The following TACC2 variants were observed in gnomAD, a reference collection of about 807,000 sequenced individuals.
TACC2 encodes the protein transforming acidic coiled-coil-containing protein 2.
TACC2 carries 137 observed loss-of-function variants against 227.3 expected under a neutral mutation model. The observed-to-expected ratio is 0.60, with a 90% CI of 0.52 to 0.69. The LOEUF (loss-of-function observed/expected upper bound fraction) is 0.69, where lower values mean the gene tolerates loss of function less well. TACC2 is among the 30% of genes least tolerant of loss of function. The pLI, the probability that TACC2 is intolerant of heterozygous loss-of-function variation, is 0.00. For missense variants in TACC2, 3,470 were observed against 3,694.4 expected, an observed-to-expected ratio of 0.94 and a Z score of 1.57; for synonymous variants, 1,523 against 1,487.5, an observed-to-expected ratio of 1.02 and a Z score of -0.55.
At chr10:122,038,158 G>A (rs552988683) in intron 2 of TACC2, among the ~76,000 whole-genome samples, 3 of 152,222 alleles carry the variant, frequency 2.0e-5, no homozygotes, top group African/African-American at 7.2e-5. Flanking sequence ...TATTTGGGAG[G>A]CTGAGGTGGA....
At chr10:121,991,118 A>G (rs1953011446) in intron 1 of TACC2, among the ~76,000 whole-genome samples, 1 of 152,154 alleles carries the variant, frequency 6.6e-6, no homozygotes. Context: ...TGCCTTTGTT[A>G]TCATTTTAAT....
intron 1 of TACC2, among the ~76,000 whole-genome samples, chr10:121,999,639 C>A (rs1954023279): frequency 1.3e-5 from 2 of 152,220 alleles, no homozygotes; most frequent in Non-Finnish European, 2.9e-5. Context: ...TGCCCCAGGA[C>A]TGTCAATGCT....
chr10:122,226,243 G>A (rs942129574), intron 12 of TACC2, 123 bp from the exon 13 acceptor site: 3 of 690,940 alleles, frequency 4.3e-6, no homozygotes, highest in South Asian at 3.7e-5. Flanking sequence ...GGTGGCTCCA[G>A]AACAATGAAG....
intron 5 of TACC2, among the ~76,000 whole-genome samples, chr10:122,097,764 C>T (rs531590715): frequency 8.5e-5 from 13 of 152,164 alleles, no homozygotes; most frequent in Middle Eastern, 3.4e-3. Flanking sequence ...AGGAGGGTTA[C>T]AGTGGGGAGA....
chr10:121,996,957 T>C (rs116377021), intron 1 of TACC2, among the ~76,000 whole-genome samples: 226 of 152,082 alleles, frequency 1.5e-3, no homozygotes, highest in African/African-American at 5.1e-3. Flanking sequence ...AAGCTCCTGG[T>C]TGGCTTCACT....
intron 2 of TACC2, among the ~76,000 whole-genome samples, chr10:122,039,487 T>C (rs1228238683): frequency 6.6e-6 from 1 of 150,534 alleles, no homozygotes; most frequent in Non-Finnish European, 1.5e-5. Context: ...AAGGTGGGGG[T>C]GGAGACAAGG....
At chr10:122,089,765 A>G (rs192433522) in intron 5 of TACC2, among the ~76,000 whole-genome samples, 1 of 152,302 alleles carries the variant, frequency 6.6e-6, no homozygotes, top group East Asian at 1.9e-4. Context: ...CATATTTTGC[A>G]CATTCAGAAA....
intron 8 of TACC2, among the ~76,000 whole-genome samples, chr10:122,206,644 T>C (rs35061398): frequency 0.38 from 58,310 of 152,098 alleles, 12,460 homozygotes; most frequent in East Asian, 0.54. Context: ...TCCTTGGTGA[T>C]GGCAGCCCAG....
rs1387033561 is a variant in TACC2, at chr10:122,083,432, A to C, written c.932A>C (p.His311Pro). 2.5e-6 allele frequency: 4 copies of C among 1,613,564 alleles called. No individual in the cohort carries two copies. The highest frequency in any genetic ancestry group is 3.4e-6 in the Non-Finnish European group (4 of 1,180,022). The change falls in exon 4 of 23, where the codon CAT (histidine) becomes CCT (proline). Residue 311 changes from histidine to proline, a missense_variant. His to Pro is a moderately conservative substitution (Grantham distance 77). Transcript: ENST00000369005. ...GACTTGGAATTCCTCAGGGCCTGCC[A>C]TCTCCCTAGGAGCAATTCAGGGGCT... is the stretch of plus-strand genomic sequence containing the variant. ...TDDLEFLRAC[H>P]LPRSNSGAAP...
chr10:122,243,980 G>T (rs1027188641), intron 19 of TACC2, among the ~76,000 whole-genome samples: 1 of 152,228 alleles, frequency 6.6e-6, no homozygotes, highest in African/African-American at 2.4e-5. Flanking sequence ...AATTTCTCTA[G>T]TTGGCATAAA....
chr10:122,055,034 A>G (rs2076081661), intron 3 of TACC2, among the ~76,000 whole-genome samples: 1 of 152,150 alleles, frequency 6.6e-6, no homozygotes, highest in Non-Finnish European at 1.5e-5. Flanking sequence ...AGCCCGGGCA[A>G]CACAGTGAAA....
intron 8 of TACC2, among the ~76,000 whole-genome samples, chr10:122,207,543 G>T (rs534837261): frequency 2.0e-4 from 31 of 152,314 alleles, no homozygotes; most frequent in Middle Eastern, 3.4e-3. Context: ...TGGAGGCCAG[G>T]GATGCTGGTA....
Position 122,224,765 on chromosome 10 carries a change from A to G in TACC2, c.7586A>G (p.Glu2529Gly), listed in dbSNP as rs1467568269. The change falls in exon 12 of 23, where the codon GAG (glutamate) becomes GGG (glycine). Residue 2529 changes from glutamate to glycine, a missense_variant. Glu to Gly is a moderately conservative substitution (Grantham distance 98). This residue lies in a region of TACC2 where 345 missense variants were observed against 354.4 expected (regional missense o/e 0.97). Transcript: ENST00000369005. ...AACTCCTATGAAATTGAATATATGG[A>G]GAAAATTGGCTCCTCCTTACCTGTA... ...YRNSYEIEYM[E>G]KIGSSLPQDD... is the part of the protein sequence containing the mutation. The G allele has an allele frequency of 6.2e-7, 1 of 1,613,906 alleles. No homozygotes were observed. Among genetic ancestry groups the G allele is most frequent in the African/African-American group, 1.3e-5 (1 of 74,854 alleles).
intron 8 of TACC2, among the ~76,000 whole-genome samples, chr10:122,197,348 A>T (rs2094606275): frequency 6.6e-6 from 1 of 152,250 alleles, no homozygotes; most frequent in Admixed American, 6.5e-5. Context: ...GTGTGCGGAG[A>T]GGCCACTTGT....
chr10:122,107,900 T>TG (rs2083060319), intron 5 of TACC2, among the ~76,000 whole-genome samples: 1 of 140,994 alleles, frequency 7.1e-6, no homozygotes. Context: ...TCTTTTTTCT[T>TG]TTTTTTTTTT....
intron 2 of TACC2, among the ~76,000 whole-genome samples, chr10:122,025,715 C>T (rs1208039011): frequency 2.0e-5 from 3 of 151,410 alleles, no homozygotes; most frequent in Non-Finnish European, 4.4e-5. Flanking sequence ...CTGGGAGCTA[C>T]AGGAGCCTGC....
intron 1 of TACC2, among the ~76,000 whole-genome samples, chr10:122,015,966 A>AG (rs369338943): frequency 1.3e-5 from 2 of 151,106 alleles, no homozygotes; most frequent in Admixed American, 6.6e-5. Context: ...AAAAAAAAAA[A>AG]TTAGAAAAAT....
In TACC2 at chr10:122,107,880, A is replaced by ATATATTT. The variant is rs1555034132; in HGVS notation, c.5573+19290_5573+19291insATATTTT. On this transcript the variant is annotated intron_variant, in intron 5 of 22. Coordinates refer to ENST00000369005, the MANE Select transcript of TACC2 (RefSeq NM_206862.4). ...AAGTCCATTATATATATATATATAT[A>ATATATTT]TTTTTTTTTTCTTTTTTCTTTTTTT... is the stretch of plus-strand genomic sequence containing the variant. 1.1e-3 allele frequency among the ~76,000 whole-genome samples: 115 copies of ATATATTT among 102,266 alleles called. 1 individual carries two copies. Among genetic ancestry groups the ATATATTT allele is most frequent in the Non-Finnish European group, 1.8e-3 (97 of 54,668 alleles). The allele number at this position is 102,266 out of a possible 152,430, so 67.1% of individuals were successfully genotyped here. A position where few individuals can be genotyped will look rare whatever the true frequency, so the allele number is the denominator to read the frequency against.
intron 3 of TACC2, among the ~76,000 whole-genome samples, chr10:122,066,483 G>A (rs904117059): frequency 3.3e-5 from 5 of 152,152 alleles, no homozygotes; most frequent in Non-Finnish European, 7.3e-5. Flanking sequence ...TGGTCAGGGT[G>A]GTCTCGAACC....
Sources: gnomAD v4.1 joint callset for allele counts (sites outside exome capture counted in the v4.1 genomes callset) on GRCh38, gnomAD v4.1.1 for gene constraint, gnomAD v4.1.1 regional missense constraint, MANE v1.5 for transcripts, NCBI Gene and HGNC (gene_info 2026-07-23, HGNC 2026-07-21) for gene names.